The following MFHAS1 variants were observed in gnomAD, a reference collection of about 807,000 sequenced individuals.
MFHAS1 encodes multifunctional ROCO family signaling regulator 1, also known as malignant fibrous histiocytoma-amplified sequence 1.
A neutral mutation model predicts 70.4 loss-of-function variants in MFHAS1; 50 were observed. The observed-to-expected ratio is 0.71, with a 90% CI of 0.57 to 0.90. MFHAS1 has a LOEUF of 0.90. Ranked by LOEUF, MFHAS1 falls within the 40% of genes least tolerant of loss-of-function variation. The probability of loss-of-function intolerance (pLI) is 0.00; values close to 1 mark genes in which losing one functional copy is unlikely to be tolerated. For synonymous variants in MFHAS1, 952 were observed against 620.0 expected, an observed-to-expected ratio of 1.54 and a Z score of -7.96; for missense variants, 1,795 against 1,347.6, an observed-to-expected ratio of 1.33 and a Z score of -5.20.
intron 2 of MFHAS1, 38 bp downstream of exon 2, chr8:8,797,327 A>C: frequency 6.2e-7 from 1 of 1,609,652 alleles, no homozygotes; most frequent in East Asian, 2.2e-5. Flanking sequence ...TGGGATCAGG[A>C]GCCAGGTCCC....
At chr8:8,847,014 G>A (rs1047137600) in intron 1 of MFHAS1, among the ~76,000 whole-genome samples, 4 of 152,116 alleles carry the variant, frequency 2.6e-5, no homozygotes, top group African/African-American at 4.8e-5. Flanking sequence ...ATGAATAAAT[G>A]AATGAGTGAA....
At chr8:8,823,443 C>A (rs1807041171) in intron 1 of MFHAS1, among the ~76,000 whole-genome samples, 2 of 152,124 alleles carry the variant, frequency 1.3e-5, no homozygotes, top group Admixed American at 1.3e-4. Flanking sequence ...CCCGAAACAC[C>A]GTGAGTCCTC....
Position 8,812,171 on chromosome 8 carries a change from C to T in MFHAS1, c.2999-14680G>A, listed in dbSNP as rs555149467. Among the ~76,000 whole-genome samples, 166 of 151,666 alleles carry T rather than the reference C, an allele frequency of 1.1e-3. 1 individual carries two copies. Among genetic ancestry groups the T allele is most frequent in the South Asian group, 1.7e-3 (8 of 4,814 alleles). Reference sequence around the variant, plus strand: ...GAGGATTACATGGCTCGGAGAAGCCCGTAAGTGTAGTGCAAAATGTCCTCT... The same window carrying T: ...GAGGATTACATGGCTCGGAGAAGCCTGTAAGTGTAGTGCAAAATGTCCTCT... On this transcript the variant is annotated intron_variant, in intron 1 of 2. Transcript: ENST00000276282.
At chr8:8,877,817 T>C (rs1809354069) in intron 1 of MFHAS1, among the ~76,000 whole-genome samples, 1 of 152,228 alleles carries the variant, frequency 6.6e-6, no homozygotes, top group African/African-American at 2.4e-5. Context: ...CTCTAGTTGA[T>C]GGGCCAGTGG....
chr8:8,828,435 G>T (rs1006463810), intron 1 of MFHAS1, among the ~76,000 whole-genome samples: 23 of 152,156 alleles, frequency 1.5e-4, no homozygotes, highest in African/African-American at 5.1e-4. Context: ...GTCTGAAGCT[G>T]CAGTGTTCTC....
chr8:8,802,027 G>A (rs1218090876), intron 1 of MFHAS1, among the ~76,000 whole-genome samples: 5 of 152,196 alleles, frequency 3.3e-5, no homozygotes, highest in African/African-American at 4.8e-5. Context: ...TGTAATGTAT[G>A]TCAAACTGCA....
chr8:8,794,373 TC>T (rs1440399209), intron 2 of MFHAS1, among the ~76,000 whole-genome samples: 10 of 151,836 alleles, frequency 6.6e-5, no homozygotes, highest in Non-Finnish European at 1.0e-4. Context: ...TCCTAACCGA[TC>T]CCCCCAAATC....
intron 1 of MFHAS1, among the ~76,000 whole-genome samples, chr8:8,855,850 C>T (rs779760444): frequency 1.3e-5 from 2 of 151,824 alleles, no homozygotes; most frequent in Non-Finnish European, 2.9e-5. Context: ...AGTGAGACGC[C>T]GTCTCAAAAA....
chr8:8,826,890 AGTACC>A (rs1807185147), intron 1 of MFHAS1, among the ~76,000 whole-genome samples: 2 of 152,234 alleles, frequency 1.3e-5, no homozygotes. Flanking sequence ...CCACATAATT[AGTACC>A]GCAGAGGAGA....
At chr8:8,846,962 G>C (rs1459025386) in intron 1 of MFHAS1, among the ~76,000 whole-genome samples, 2 of 152,098 alleles carry the variant, frequency 1.3e-5, no homozygotes, top group African/African-American at 2.4e-5. Context: ...AACTTATTAT[G>C]CATCTACTAT....
At chr8:8,796,866 G>A (rs565197985) in intron 2 of MFHAS1, among the ~76,000 whole-genome samples, 70 of 150,932 alleles carry the variant, frequency 4.6e-4, no homozygotes, top group African/African-American at 1.5e-3. Context: ...CATGGTGGTG[G>A]GCGCCTGTAG....
intron 1 of MFHAS1, among the ~76,000 whole-genome samples, chr8:8,828,066 C>T (rs1021531218): frequency 4.6e-5 from 7 of 152,090 alleles, no homozygotes; most frequent in African/African-American, 1.7e-4. Flanking sequence ...CCACCTTTTC[C>T]CAATCTGGAG....
chr8:8,834,590 A>G (rs984285515), intron 1 of MFHAS1, among the ~76,000 whole-genome samples: 23 of 152,212 alleles, frequency 1.5e-4, no homozygotes, highest in Admixed American at 1.5e-3. Context: ...TTTCTATTCT[A>G]GGAGCAACAG....
chr8:8,883,664 C>T lies in MFHAS1; in HGVS notation c.2998+6397G>A, dbSNP rs184232708. On this transcript the variant is annotated intron_variant, in intron 1 of 2. Transcript: ENST00000276282. Reference sequence around the variant, plus strand: ...TGGAGGTTGCAATGAGCTCAGACAGCGCCACTACACTCCAGCCTGGGCAAC... The same window carrying T: ...TGGAGGTTGCAATGAGCTCAGACAGTGCCACTACACTCCAGCCTGGGCAAC... Among the ~76,000 whole-genome samples the T allele has an allele frequency of 2.5e-4, 33 of 132,682 alleles. 1 individual carries two copies. The East Asian group carries it at 5.2e-3, about 21-fold the overall frequency. 87.0% of individuals were successfully genotyped at this position (132,682 alleles called of 152,430 possible). A position where few individuals can be genotyped will look rare whatever the true frequency, so the allele number is the denominator to read the frequency against.
At chr8:8,787,336 T>A (rs955071201) in intron 2 of MFHAS1, among the ~76,000 whole-genome samples, 2 of 152,122 alleles carry the variant, frequency 1.3e-5, no homozygotes, top group African/African-American at 2.4e-5. Flanking sequence ...CACCTTGGCC[T>A]CCCAAAGTAC....
chr8:8,843,271 G>C (rs535707740), intron 1 of MFHAS1, among the ~76,000 whole-genome samples: 4 of 88,548 alleles, frequency 4.5e-5, no homozygotes, highest in Non-Finnish European at 8.6e-5. Flanking sequence ...GCGAGACTCC[G>C]TCTCAAAAAA....
At position 8,892,929 on chromosome 8, in the gene MFHAS1, C is replaced by G. The variant is rs972981538; in HGVS notation, c.130G>C (p.Gly44Arg). ...LTAAGACPGA[G>R]ADALESPASP... is the part of the protein sequence containing the mutation. ...GCGGGGGACTCGAGCGCGTCGGCCC[C>G]GGCCCCGGGGCAGGCCCCGGCGGCG... Residue 44 changes from glycine to arginine, a missense_variant, in exon 1 of 3, where the codon GGG becomes CGG. Gly to Arg is a moderately radical substitution (Grantham distance 125). Coordinates refer to ENST00000276282, the MANE Select transcript of MFHAS1 (RefSeq NM_004225.3). This position sits in a 1 kb window ranked among gnomAD's most constrained non-coding sequence, Gnocchi z 4.7. 6.6e-5 allele frequency: 103 copies of G among 1,551,248 alleles called. No homozygotes were observed. The highest frequency in any genetic ancestry group is 1.3e-5 in the Non-Finnish European group (15 of 1,151,668).
rs961104251 is a variant in MFHAS1 at position 8,826,366 on chromosome 8, A to T, written c.2999-28875T>A. Among the ~76,000 whole-genome samples the T allele has an allele frequency of 2.0e-5, 3 of 151,948 alleles. No homozygotes were observed. The South Asian group carries it at 6.2e-4, about 32-fold the overall frequency. ...GTGTGTCAGGGAAGAACACGTGCCTAATCAAAATTTTTGCCTTGACAGATT... is the reference window on the plus strand; with the variant it reads ...GTGTGTCAGGGAAGAACACGTGCCTTATCAAAATTTTTGCCTTGACAGATT... On this transcript the variant is annotated intron_variant, in intron 1 of 2. Transcript: ENST00000276282.
At chr8:8,789,979 G>C (rs553849430) in intron 2 of MFHAS1, among the ~76,000 whole-genome samples, 1 of 151,938 alleles carries the variant, frequency 6.6e-6, no homozygotes, top group East Asian at 1.9e-4. Flanking sequence ...TTCCCTACTT[G>C]TGACCATCCC....
Sources: gnomAD v4.1 joint callset for allele counts (sites outside exome capture counted in the v4.1 genomes callset) on GRCh38, gnomAD v4.1.1 for gene constraint, Gnocchi (gnomAD v3.1) non-coding constraint, MANE v1.5 for transcripts, NCBI Gene and HGNC (gene_info 2026-07-23, HGNC 2026-07-21) for gene names.